The following CA8 variants were observed in gnomAD, a reference collection of about 807,000 sequenced individuals.
The protein encoded by CA8 is carbonic anhydrase 8 (inactive), also known as carbonic anhydrase-related protein.
Under a neutral mutation model 41.4 loss-of-function variants are expected in CA8, and 22 were observed. That is an observed-to-expected ratio of 0.53 (90% confidence interval 0.38 to 0.76). CA8 has a LOEUF of 0.76. Among genes scored for constraint, CA8 ranks in the 30% least tolerant of loss-of-function variants. CA8 has a pLI of 0.00. For missense variants in CA8, 270 were observed against 352.8 expected (o/e 0.77, Z 1.88); for synonymous variants, 121 against 130.6 (o/e 0.93, Z 0.50).
chr8:60,252,571 T>C (rs954121241), intron 3 of CA8, among the ~76,000 whole-genome samples: 1 of 152,196 alleles, frequency 6.6e-6, no homozygotes, highest in African/African-American at 2.4e-5. Flanking sequence ...CAAAGCATAG[T>C]ATAGCTTCAA....
At chr8:60,234,474 T>C (rs778609821) in intron 3 of CA8, among the ~76,000 whole-genome samples, 5 of 152,254 alleles carry the variant, frequency 3.3e-5, no homozygotes, top group Admixed American at 6.5e-5. Context: ...ATGTTACTAA[T>C]AGAAGAAACT....
At chr8:60,273,459 T>C (rs1804133747) in intron 2 of CA8, among the ~76,000 whole-genome samples, 3 of 152,210 alleles carry the variant, frequency 2.0e-5, no homozygotes, top group Non-Finnish European at 2.9e-5. Context: ...AGAGAGCCTA[T>C]CACTGTGGCT....
chr8:60,254,968 T>G (rs1217004884), intron 3 of CA8, among the ~76,000 whole-genome samples: 1 of 152,190 alleles, frequency 6.6e-6, no homozygotes, highest in Non-Finnish European at 1.5e-5. Context: ...AAACAACGTT[T>G]CCTTTACTGA....
intron 8 of CA8, among the ~76,000 whole-genome samples, chr8:60,200,526 A>G (rs1331403062): frequency 6.6e-6 from 1 of 152,202 alleles, no homozygotes. Context: ...AGATAAAAAT[A>G]ATAACAAGAA....
At chr8:60,269,480 TTTTC>T (rs1350108526) in intron 2 of CA8, among the ~76,000 whole-genome samples, 1 of 152,228 alleles carries the variant, frequency 6.6e-6, no homozygotes, top group African/African-American at 2.4e-5. Flanking sequence ...ACAGCCTCCA[TTTTC>T]TTTAATGCTC....
intron 7 of CA8, among the ~76,000 whole-genome samples, chr8:60,219,942 A>AAAAAAAAAAAC (rs1554520140): frequency 7.5e-6 from 1 of 133,556 alleles, no homozygotes; most frequent in Non-Finnish European, 1.7e-5. Context: ...AAAAAAAAAA[A>AAAAAAAAAAAC]AAAAAAAAAA....
chr8:60,279,927 A>C (rs1318434132), intron 1 of CA8, 47 bp from the exon 2 acceptor site: 2 of 1,505,838 alleles, frequency 1.3e-6, no homozygotes, highest in Admixed American at 4.0e-5. Context: ...AAAATAAATT[A>C]CAGTAAAATT....
chr8:60,261,975 G>C lies in CA8; in HGVS notation c.417+3950C>G, dbSNP rs376240983. Among the ~76,000 whole-genome samples, 6 of 152,274 alleles carry C rather than the reference G, an allele frequency of 3.9e-5. No individual in the cohort carries two copies. The East Asian group carries it at 1.2e-3, about 29-fold the overall frequency. ...TCCGCCCGCCTCGGCCTCCCAAAGT[G>C]CTGGGATTACAGGTGTGAGCCACTG... On this transcript the variant is annotated intron_variant, in intron 3 of 8. Transcript: ENST00000317995.
chr8:60,270,257 G>T (rs561607407), intron 2 of CA8, among the ~76,000 whole-genome samples: 1 of 152,308 alleles, frequency 6.6e-6, no homozygotes, highest in East Asian at 1.9e-4. Context: ...TAAGAAAGCT[G>T]CTATCATGCC....
chr8:60,260,764 G>C (rs1472147732), intron 3 of CA8, among the ~76,000 whole-genome samples: 2 of 152,102 alleles, frequency 1.3e-5, no homozygotes, highest in Non-Finnish European at 2.9e-5. Flanking sequence ...CTAATCTTCA[G>C]AATGTTCACT....
At chr8:60,243,414 A>G (rs2130528302) in intron 3 of CA8, among the ~76,000 whole-genome samples, 1 of 148,162 alleles carries the variant, frequency 6.7e-6, no homozygotes, top group East Asian at 2.0e-4. Context: ...TAATATGCAT[A>G]GATGTTTCTC....
At chr8:60,279,981 G>A (rs1804357674) in intron 1 of CA8, 101 bp from the exon 2 acceptor site, 6 of 873,300 alleles carry the variant, frequency 6.9e-6, no homozygotes, top group Admixed American at 2.4e-5. Flanking sequence ...ATATCATGAA[G>A]AGAGTAATGA....
chr8:60,228,971 C>G (rs1807541037), intron 4 of CA8, among the ~76,000 whole-genome samples: 1 of 152,144 alleles, frequency 6.6e-6, no homozygotes, highest in Non-Finnish European at 1.5e-5. Flanking sequence ...TGATGATAAT[C>G]TCCACACCCC....
chr8:60,254,123 C>T (rs148328985), intron 3 of CA8, among the ~76,000 whole-genome samples: 78 of 152,312 alleles, frequency 5.1e-4, no homozygotes, highest in Middle Eastern at 6.8e-3. Context: ...TTACTTCCAC[C>T]TCTTTAAACC....
In CA8 at chr8:60,199,395, C is replaced by T. The variant is rs897085413; in HGVS notation, c.*35+9355G>A. 9.9e-5 allele frequency among the ~76,000 whole-genome samples: 15 copies of T among 152,036 alleles called. 1 individual carries two copies. Among genetic ancestry groups the T allele is most frequent in the Non-Finnish European group, 2.9e-5 (2 of 67,992 alleles). Reference sequence around the variant, plus strand: ...AACTTCTTGAGATACAATTCCACTCCGTGCTCCTAAGATGTCTCTGAAAAT... The same window carrying T: ...AACTTCTTGAGATACAATTCCACTCTGTGCTCCTAAGATGTCTCTGAAAAT... On this transcript the variant is annotated intron_variant, in intron 8 of 8. Coordinates refer to ENST00000317995, the MANE Select transcript of CA8 (RefSeq NM_004056.6).
chr8:60,193,920 A>G (rs1563517359), intron 8 of CA8, among the ~76,000 whole-genome samples: 1 of 152,156 alleles, frequency 6.6e-6, no homozygotes, highest in Non-Finnish European at 1.5e-5. Context: ...TATTACGTGG[A>G]CGATAGACCT....
chr8:60,261,123 A>G (rs931598765), intron 3 of CA8, among the ~76,000 whole-genome samples: 1 of 152,148 alleles, frequency 6.6e-6, no homozygotes, highest in African/African-American at 2.4e-5. Context: ...GACCTGGCAC[A>G]GGGGCCAAAT....
chr8:60,185,945 A>G lies in CA8; in HGVS notation c.*4076T>C, dbSNP rs1805951636. Among the ~76,000 whole-genome samples the G allele has an allele frequency of 6.6e-6, 1 of 152,154 alleles. No homozygotes were observed. Among genetic ancestry groups the G allele is most frequent in the South Asian group, 2.1e-4 (1 of 4,834 alleles). ...TTCTCTTAAAGAGCAATTGTATAAA[A>G]TATCATGTAATTATGCTTTAGACCC... On this transcript the variant is annotated 3_prime_UTR_variant, in exon 9 of 9. Coordinates refer to ENST00000317995, the MANE Select transcript of CA8 (RefSeq NM_004056.6).
In CA8 at chr8:60,208,651, C is replaced by T; in HGVS notation, c.*35+99G>A. 3 of 1,045,432 alleles carry T rather than the reference C, an allele frequency of 2.9e-6. 1 individual carries two copies. Among genetic ancestry groups the T allele is most frequent in the African/African-American group, 3.1e-5 (2 of 64,194 alleles). The allele number at this position is 1,045,432 out of a possible 1,614,324, so 64.8% of individuals were successfully genotyped here. ...ATTTTATCAAGATGAAGTACATACG[C>T]TTTTATTACTAAATTACCAGGATCA... On this transcript the variant is annotated intron_variant, in intron 8 of 8. Transcript: ENST00000317995.
Sources: allele counts gnomAD v4.1 joint callset (sites outside exome capture counted in the v4.1 genomes callset), GRCh38; gene constraint gnomAD v4.1.1; transcripts MANE v1.5; gene names NCBI Gene and HGNC (gene_info 2026-07-23, HGNC 2026-07-21).